The following NTRK1 variants were observed in gnomAD, a reference collection of about 807,000 sequenced individuals.
NTRK1 encodes the protein neurotrophic receptor tyrosine kinase 1.
A neutral mutation model predicts 86.8 loss-of-function variants in NTRK1; 62 were observed. The ratio of observed to expected loss-of-function variants is 0.71; its 90% CI spans 0.58 to 0.88. The LOEUF (loss-of-function observed/expected upper bound fraction) is 0.88, where lower values mean the gene tolerates loss of function less well. Ranked by LOEUF, NTRK1 falls within the 40% of genes least tolerant of loss-of-function variation. NTRK1 has a pLI of 0.00. For synonymous variants in NTRK1, 469 were observed against 456.6 expected, an observed-to-expected ratio of 1.03 and a Z score of -0.35; for missense variants, 967 against 1,078.4, an observed-to-expected ratio of 0.90 and a Z score of 1.45.
At chr1:156,870,276 AG>A (rs1329275035) in intron 6 of NTRK1, among the ~76,000 whole-genome samples, 2 of 152,206 alleles carry the variant, frequency 1.3e-5, no homozygotes, top group African/African-American at 4.8e-5. Flanking sequence ...TACTGGGCAC[AG>A]TGGCCCATAC....
Position 156,875,638 on chromosome 1 carries a change from C to T in NTRK1, c.1473C>T (p.Ile491=), listed in dbSNP as rs373181158. 2.9e-5 allele frequency: 47 copies of T among 1,612,936 alleles called. No homozygotes were observed. Among genetic ancestry groups the T allele is most frequent in the Middle Eastern group, 1.6e-4 (1 of 6,082 alleles). ...GKGSGLQGHI[I]ENPQYFSDAC... ...GCTCTGGGCTCCAAGGCCACATCAT[C>T]GAGAACCCACAATACTTCAGTGATG... Residue 491 remains isoleucine, a synonymous_variant, in exon 12 of 17, where the codon ATC becomes ATT. Coordinates refer to ENST00000524377, the MANE Select transcript of NTRK1 (RefSeq NM_002529.4).
chr1:156,834,761 G>A (rs1401056669), intron 1 of NTRK1, among the ~76,000 whole-genome samples: 1 of 152,108 alleles, frequency 6.6e-6, no homozygotes, highest in Admixed American at 6.5e-5. Context: ...AACTATTCTG[G>A]GTAGGTGGGG....
chr1:156,845,215 C>T, intron 2 of NTRK1: 1 of 1,609,732 alleles, frequency 6.2e-7, no homozygotes, highest in South Asian at 1.1e-5. Flanking sequence ...CACGGGGCAC[C>T]TTGTCCTCCT....
At chr1:156,849,395 C>T in intron 2 of NTRK1, 2 of 1,613,820 alleles carry the variant, frequency 1.2e-6, no homozygotes, top group African/African-American at 1.3e-5. Flanking sequence ...AATGGTGAGC[C>T]CCGCGGCCAC....
intron 2 of NTRK1, chr1:156,848,961 C>CTCATAGCG: frequency 6.2e-7 from 1 of 1,602,532 alleles, no homozygotes; most frequent in Non-Finnish European, 8.5e-7. Context: ...AGGTCGCGGG[C>CTCATAGCG]CTCCAGTGGC....
At chr1:156,866,617 G>C (rs1655943329) in intron 3 of NTRK1, among the ~76,000 whole-genome samples, 1 of 152,214 alleles carries the variant, frequency 6.6e-6, no homozygotes, top group South Asian at 2.1e-4. Flanking sequence ...GGCCAAAGCA[G>C]TGGGGGAGGG....
exon 2 of NTRK1, chr1:156,842,174 A>C (rs772332648): frequency 1.9e-6 from 3 of 1,613,824 alleles, no homozygotes; most frequent in Non-Finnish European, 2.5e-6. Flanking sequence ...ATCTCGGTGC[A>C]CAAACTTGTT....
rs749246577 is a variant in NTRK1, at chr1:156,851,970, G to C, written c.50+9777G>C. ...ATGCCGAAGGTGGAGGCACGGCCGG[G>C]CACAGAGTGCAGGCTGGCACAGCGC... On this transcript the variant is annotated intron_variant, in intron 2 of 16. Transcript: ENST00000392302. 6.2e-7 allele frequency: 1 copy of C among 1,608,734 alleles called. No homozygotes were observed. The highest frequency in any genetic ancestry group is 1.3e-5 in the African/African-American group (1 of 74,838).
chr1:156,830,261 C>A (rs1382423760), intron 1 of NTRK1, among the ~76,000 whole-genome samples: 1 of 152,228 alleles, frequency 6.6e-6, no homozygotes, highest in East Asian at 1.9e-4. Flanking sequence ...CCCAGGCCAG[C>A]AGCTCTGTCA....
Position 156,854,091 on chromosome 1 carries a change from T to C in NTRK1, c.51-10263T>C. On this transcript the variant is annotated intron_variant, in intron 2 of 16. Transcript: ENST00000392302. This position sits in a 1 kb window ranked among gnomAD's most constrained non-coding sequence, Gnocchi z 4.2. ...CGCGTCCCGCGGATGACTGCTAGGT[T>C]GGGGAAGAGGTCGCGCAGGCTCTCC... 6.2e-7 allele frequency: 1 copy of C among 1,614,116 alleles called. No individual in the cohort carries two copies. The highest frequency in any genetic ancestry group is 8.5e-7 in the Non-Finnish European group (1 of 1,180,044).
intron 12 of NTRK1, 21 bp downstream of exon 12, chr1:156,875,687 A>G: frequency 6.3e-7 from 1 of 1,587,664 alleles, no homozygotes; most frequent in Non-Finnish European, 8.6e-7. Context: ...ATGCTGGGTC[A>G]AGGGCAGGGA....
intron 2 of NTRK1, chr1:156,851,590 T>C: frequency 6.2e-7 from 1 of 1,612,904 alleles, no homozygotes; most frequent in Non-Finnish European, 8.5e-7. Context: ...AAGGGTTGTG[T>C]CTGGGAGGAA....
chr1:156,845,422 G>A, intron 2 of NTRK1: 1 of 1,542,516 alleles, frequency 6.5e-7, no homozygotes, highest in South Asian at 1.3e-5. Flanking sequence ...ATCTGGGGAG[G>A]CCAGGAGTAG....
intron 7 of NTRK1, among the ~76,000 whole-genome samples, chr1:156,872,898 C>A (rs1475608051): frequency 1.3e-5 from 2 of 151,918 alleles, no homozygotes; most frequent in Non-Finnish European, 2.9e-5. Flanking sequence ...AGGATGGTCT[C>A]GATCTCCTGA....
intron 1 of NTRK1, among the ~76,000 whole-genome samples, chr1:156,839,420 G>T (rs1654695721): frequency 6.6e-6 from 1 of 152,240 alleles, no homozygotes; most frequent in Admixed American, 6.5e-5. Flanking sequence ...CTTCGTCAAG[G>T]TTTGAAGTCA....
intron 3 of NTRK1, chr1:156,865,095 A>AGGGAGCAAGCGGC: frequency 2.2e-6 from 1 of 455,922 alleles, no homozygotes; most frequent in Non-Finnish European, 4.1e-6. Context: ...ACCAGTGCAA[A>AGGGAGCAAGCGGC]GGGAGCAAGC....
At chr1:156,851,589 G>A in intron 2 of NTRK1, 1 of 1,612,566 alleles carries the variant, frequency 6.2e-7, no homozygotes, top group Non-Finnish European at 8.5e-7. Flanking sequence ...TAAGGGTTGT[G>A]TCTGGGAGGA....
chr1:156,855,472 T>C (rs1018713140), intron 2 of NTRK1, among the ~76,000 whole-genome samples: 49 of 152,246 alleles, frequency 3.2e-4, no homozygotes, highest in African/African-American at 1.1e-3. Flanking sequence ...CCCAAAGTGC[T>C]GGGATTACAG....
At chr1:156,819,000 T>C (rs1654110127) in intron 1 of NTRK1, among the ~76,000 whole-genome samples, 1 of 152,170 alleles carries the variant, frequency 6.6e-6, no homozygotes, top group South Asian at 2.1e-4. Flanking sequence ...TGTGTCTGTG[T>C]GTGTGTGTGT....
Sources: gnomAD v4.1 joint callset for allele counts (sites outside exome capture counted in the v4.1 genomes callset) on GRCh38, gnomAD v4.1.1 for gene constraint, Gnocchi (gnomAD v3.1) non-coding constraint, MANE v1.5 for transcripts, NCBI Gene and HGNC (gene_info 2026-07-23, HGNC 2026-07-21) for gene names.